RDH11: variants seen among roughly 807,000 people sequenced by gnomAD.
RDH11 encodes the protein retinol dehydrogenase 11.
In RDH11, 19 loss-of-function variants were observed where a neutral mutation model predicts 33.4. The observed-to-expected ratio is 0.57, with a 90% CI of 0.40 to 0.83. RDH11 has a LOEUF of 0.83. Among genes scored for constraint, RDH11 ranks in the 40% least tolerant of loss-of-function variants. RDH11 has a pLI of 0.00. For synonymous variants in RDH11, 154 were observed against 155.3 expected (o/e 0.99, Z 0.06); for missense variants, 353 against 389.0 (o/e 0.91, Z 0.78).
chr14:67,679,881 A>G (rs2037593344), intron 6 of RDH11, among the ~76,000 whole-genome samples: 1 of 152,222 alleles, frequency 6.6e-6, no homozygotes, highest in Non-Finnish European at 1.5e-5. Context: ...ACAATTTTTA[A>G]AAGTATACTA....
chr14:67,684,193 T>C (rs1417710650), intron 6 of RDH11, among the ~76,000 whole-genome samples: 2 of 152,228 alleles, frequency 1.3e-5, no homozygotes, highest in Non-Finnish European at 2.9e-5. Context: ...AGGCTGGCAT[T>C]ATAGGCCTCT....
At chr14:67,685,240 G>C in intron 5 of RDH11, 36 bp from the exon 6 acceptor site, 1 of 1,571,096 alleles carries the variant, frequency 6.4e-7, no homozygotes, top group African/African-American at 1.4e-5. Context: ...GGTAAGACAG[G>C]ACTTGATTTT....
At chr14:67,683,401 C>T (rs1420751533) in intron 6 of RDH11, among the ~76,000 whole-genome samples, 1 of 152,126 alleles carries the variant, frequency 6.6e-6, no homozygotes, top group Non-Finnish European at 1.5e-5. Context: ...CAACTATCTG[C>T]TATACATTTC....
intron 6 of RDH11, among the ~76,000 whole-genome samples, chr14:67,681,465 A>C (rs2037614376): frequency 6.6e-6 from 1 of 152,068 alleles, no homozygotes; most frequent in African/African-American, 2.4e-5. Flanking sequence ...ATGAAGGTTG[A>C]CCCCTACCTC....
intron 1 of RDH11, among the ~76,000 whole-genome samples, chr14:67,693,517 G>GA (rs74415536): frequency 0.042 from 6,104 of 145,864 alleles, 302 homozygotes; most frequent in African/African-American, 0.12. Context: ...AAATAAACAA[G>GA]AAAAAAAAAA....
chr14:67,683,526 C>G (rs1263236090), intron 6 of RDH11, among the ~76,000 whole-genome samples: 1 of 152,168 alleles, frequency 6.6e-6, no homozygotes, highest in African/African-American at 2.4e-5. Flanking sequence ...GCAATAGCAA[C>G]CTGATTTCCT....
At chr14:67,691,758 A>G (rs1251365019) in intron 3 of RDH11, 1 of 155,764 alleles carries the variant, frequency 6.4e-6, no homozygotes, top group Non-Finnish European at 1.4e-5. Context: ...GGAGGCCTAG[A>G]TCCCTGGGCT....
At chr14:67,694,062 G>A (rs1409226565) in intron 1 of RDH11, among the ~76,000 whole-genome samples, 7 of 152,166 alleles carry the variant, frequency 4.6e-5, no homozygotes, top group Non-Finnish European at 7.3e-5. Flanking sequence ...GCAATGTTGG[G>A]ACTCTGGTTA....
intron 1 of RDH11, among the ~76,000 whole-genome samples, 169 bp from the exon 2 acceptor site, chr14:67,693,221 G>A (rs909358906): frequency 2.6e-5 from 4 of 152,190 alleles, no homozygotes; most frequent in African/African-American, 9.7e-5. Flanking sequence ...GATGACAAAA[G>A]TTTTCTGCTT....
intron 5 of RDH11, among the ~76,000 whole-genome samples, chr14:67,686,694 T>C (rs1175419053): frequency 6.6e-6 from 1 of 151,858 alleles, no homozygotes. Context: ...AATGATACTT[T>C]TGCACATGCT....
At chr14:67,689,527 G>A (rs769719429) in intron 5 of RDH11, among the ~76,000 whole-genome samples, 1 of 152,046 alleles carries the variant, frequency 6.6e-6, no homozygotes, top group Admixed American at 6.6e-5. Flanking sequence ...TGCCAGTTCA[G>A]GTCCTTCCCT....
rs1043215421 is a variant in RDH11, at chr14:67,691,407, A to G, written c.350-163T>C. On this transcript the variant is annotated intron_variant, in intron 3 of 6. Coordinates refer to ENST00000381346, the MANE Select transcript of RDH11 (RefSeq NM_016026.4). ...CTATTGTTTTTCATTTTAAGACTTT[A>G]GTTGAATCCCACCTACTTTTACTAT... 8.7e-6 allele frequency: 5 copies of G among 574,732 alleles called. No individual in the cohort carries two copies. The East Asian group carries it at 1.4e-4, about 17-fold the overall frequency. The allele number at this position is 574,732 out of a possible 1,614,324, so 35.6% of individuals were successfully genotyped here.
chr14:67,689,135 T>C (rs1031501065), intron 5 of RDH11, among the ~76,000 whole-genome samples: 13 of 152,200 alleles, frequency 8.5e-5, no homozygotes, highest in African/African-American at 2.7e-4. Context: ...GTTTTCACCA[T>C]CCAGTTACCC....
chr14:67,684,091 C>T (rs970178952), intron 6 of RDH11, among the ~76,000 whole-genome samples: 10 of 152,166 alleles, frequency 6.6e-5, no homozygotes, highest in African/African-American at 2.2e-4. Flanking sequence ...CTCTCTCTCT[C>T]ACTAGGTTAA....
intron 6 of RDH11, chr14:67,684,557 G>C (rs536777050): frequency 2.6e-5 from 4 of 151,806 alleles, no homozygotes; most frequent in Admixed American, 6.6e-5. Flanking sequence ...TTTCAATCCT[G>C]AGGACAATAG....
intron 4 of RDH11, chr14:67,690,902 G>A: frequency 1.9e-6 from 1 of 518,616 alleles, no homozygotes; most frequent in Non-Finnish European, 3.4e-6. Context: ...AAACCAATTA[G>A]TCTGTTAAAA....
At chr14:67,685,307 A>C (rs1215181659) in intron 5 of RDH11, 103 bp from the exon 6 acceptor site, 2 of 862,082 alleles carry the variant, frequency 2.3e-6, no homozygotes. Context: ...TCACATATGG[A>C]CTCTTTTGCC....
At chr14:67,693,217 A>G (rs1407804845) in intron 1 of RDH11, among the ~76,000 whole-genome samples, 165 bp from the exon 2 acceptor site, 1 of 152,224 alleles carries the variant, frequency 6.6e-6, no homozygotes, top group African/African-American at 2.4e-5. Context: ...GAAAGATGAC[A>G]AAAGTTTTCT....
chr14:67,685,011 A>G lies in RDH11; in HGVS notation c.854+4T>C. Reference sequence around the variant, plus strand: ...TCATCTGCAAAAAGAGATAACATTCATACCTGAAATGATTCCCACTTAGAA... The same window carrying G: ...TCATCTGCAAAAAGAGATAACATTCGTACCTGAAATGATTCCCACTTAGAA... On this transcript the variant is annotated splice_donor_region_variant and intron_variant, in intron 6 of 6. Transcript: ENST00000381346. 6.2e-7 allele frequency: 1 copy of G among 1,602,378 alleles called. No individual in the cohort carries two copies. Among genetic ancestry groups the G allele is most frequent in the Non-Finnish European group, 8.5e-7 (1 of 1,175,262 alleles).
Sources: gnomAD v4.1 joint callset for allele counts (sites outside exome capture counted in the v4.1 genomes callset) on GRCh38, gnomAD v4.1.1 for gene constraint, MANE v1.5 for transcripts, NCBI Gene and HGNC (gene_info 2026-07-23, HGNC 2026-07-21) for gene names.